Variants in IL17REL observed in about 807,000 individuals in gnomAD.
The protein encoded by IL17REL is interleukin-17 receptor E-like protein.
A neutral mutation model predicts 49.0 loss-of-function variants in IL17REL; 36 were observed. The observed-to-expected ratio is 0.73, with a 90% CI of 0.56 to 0.97. IL17REL has a LOEUF of 0.97. Among genes scored for constraint, IL17REL ranks in the 50% least tolerant of loss-of-function variants. IL17REL has a pLI of 0.00. For missense variants in IL17REL, 470 were observed against 453.9 expected, an observed-to-expected ratio of 1.04 and a Z score of -0.32; for synonymous variants, 206 against 192.4, an observed-to-expected ratio of 1.07 and a Z score of -0.58.
intron 6 of IL17REL, 39 bp from the exon 9 acceptor site, chr22:49,999,384 C>A: frequency 1.2e-6 from 2 of 1,612,880 alleles, no homozygotes; most frequent in South Asian, 2.2e-5. Flanking sequence ...CCACCCATCC[C>A]TGTGCTCCCC....
At chr22:49,997,258 G>A (rs2061041234) in intron 11 of IL17REL, 62 bp downstream of exon 13, 14 of 1,533,614 alleles carry the variant, frequency 9.1e-6, no homozygotes, top group Non-Finnish European at 1.3e-5. Flanking sequence ...ACAGGGAAGT[G>A]ATGGGGTCCT....
chr22:49,993,372 G>A (rs868610203), downstream of IL17REL, among the ~76,000 whole-genome samples: 2 of 152,200 alleles, frequency 1.3e-5, no homozygotes, highest in Non-Finnish European at 2.9e-5. This position sits in a 1 kb window ranked among gnomAD's most constrained non-coding sequence, Gnocchi z 6.0. Context: ...TCTGGGGCCC[G>A]GGGTCCTCAG....
intron 1 of IL17REL, among the ~76,000 whole-genome samples, chr22:50,003,095 A>G (rs1384456658): frequency 6.6e-6 from 1 of 152,200 alleles, no homozygotes; most frequent in Non-Finnish European, 1.5e-5. Flanking sequence ...GGGCAGCCGG[A>G]CCGAGTATGA....
At chr22:49,994,463 G>C (rs971130374), downstream of IL17REL, 1 of 152,372 alleles carries the variant, frequency 6.6e-6, no homozygotes, top group Non-Finnish European at 1.5e-5. Context: ...CACGACACCC[G>C]CACTCCAGAC....
chr22:50,004,863 G>C (rs1378969348), intron 1 of IL17REL, among the ~76,000 whole-genome samples: 1 of 118,724 alleles, frequency 8.4e-6, no homozygotes, highest in Non-Finnish European at 1.8e-5. Context: ...AAAAAAAAAA[G>C]ACAACCTCCT....
chr22:50,000,092 G>T, intron 4 of IL17REL, 104 bp downstream of exon 6: 2 of 1,125,960 alleles, frequency 1.8e-6, no homozygotes, highest in Non-Finnish European at 1.2e-6. Flanking sequence ...TCGCCCGCCC[G>T]AGGGCCCCTC....
At chr22:49,999,496 C>A (rs1415442096) in exon 6 of IL17REL, 1 of 1,502,258 alleles carries the variant, frequency 6.7e-7, no homozygotes, top group Non-Finnish European at 9.0e-7. Context: ...ACGCTGTTGG[C>A]GGTCACCTGC....
At chr22:50,006,890 G>GGTTGCA (rs1471836213) in intron 1 of IL17REL, among the ~76,000 whole-genome samples, 1 of 150,956 alleles carries the variant, frequency 6.6e-6, no homozygotes, top group Non-Finnish European at 1.5e-5. Context: ...AGGAGGCAGA[G>GGTTGCA]GTTGCAGTGA....
At chr22:49,995,172 G>A (rs900139438) in exon 13 of IL17REL, 1 of 152,470 alleles carries the variant, frequency 6.6e-6, no homozygotes, top group African/African-American at 2.4e-5. Context: ...TCAGCTACAG[G>A]AAGGGTGGGG....
upstream of IL17REL, among the ~76,000 whole-genome samples, chr22:50,009,975 T>C (rs1205424022): frequency 1.3e-5 from 2 of 151,920 alleles, no homozygotes; most frequent in East Asian, 3.8e-4. Flanking sequence ...TCGGCGGCAG[T>C]CAGTGACCCT....
intron 1 of IL17REL, among the ~76,000 whole-genome samples, chr22:50,005,930 T>C (rs1011936470): frequency 2.6e-5 from 4 of 151,946 alleles, no homozygotes; most frequent in Non-Finnish European, 4.4e-5. Context: ...AAAGTACCAA[T>C]TGGGCTGGAG....
upstream of IL17REL, among the ~76,000 whole-genome samples, chr22:50,010,552 C>T (rs1028502640): frequency 1.4e-4 from 22 of 152,242 alleles, no homozygotes; most frequent in African/African-American, 5.3e-4. Flanking sequence ...GGCCTGGACT[C>T]CCCGCATCCA....
exon 8 of IL17REL, chr22:49,998,150 A>T: frequency 6.2e-7 from 1 of 1,606,792 alleles, no homozygotes; most frequent in South Asian, 1.1e-5. Flanking sequence ...GCGATGCACC[A>T]GCTGGCTGGA....
intron 8 of IL17REL, 22 bp from the exon 11 acceptor site, chr22:49,998,091 C>CT: frequency 6.3e-7 from 1 of 1,592,308 alleles, no homozygotes; most frequent in Non-Finnish European, 8.5e-7. Flanking sequence ...TGGGGTCAGG[C>CT]TGTGGCATCC....
intron 1 of IL17REL, among the ~76,000 whole-genome samples, chr22:50,001,571 G>C (rs558865741): frequency 3.3e-5 from 5 of 152,342 alleles, no homozygotes; most frequent in Non-Finnish European, 7.4e-5. Context: ...TGTCGACTCT[G>C]CTCAAAGACG....
chr22:50,005,860 C>G (rs764433810), intron 1 of IL17REL, among the ~76,000 whole-genome samples: 11 of 151,804 alleles, frequency 7.2e-5, no homozygotes, highest in Non-Finnish European at 1.5e-5. Flanking sequence ...ATAAAAACAC[C>G]CTGGGACTAC....
upstream of IL17REL, among the ~76,000 whole-genome samples, chr22:50,011,370 C>G (rs1219115658): frequency 6.6e-6 from 1 of 151,956 alleles, no homozygotes; most frequent in Non-Finnish European, 1.5e-5. Flanking sequence ...ATCACCTGGC[C>G]GTCCTAGCGT....
chr22:50,001,326 G>GCA (rs137846), intron 1 of IL17REL, 95 bp from the exon 3 acceptor site: 337,773 of 613,924 alleles, frequency 0.55, 95,646 homozygotes, highest in South Asian at 0.77. Flanking sequence ...CCCTGGGGCT[G>GCA]CAGTCTTTGC....
chr22:49,999,372 G>C, intron 6 of IL17REL, 27 bp from the exon 9 acceptor site: 1 of 1,612,830 alleles, frequency 6.2e-7, no homozygotes. Context: ...GGTCAGCGCA[G>C]CCCACCCATC....
Sources: gnomAD v4.1 joint callset for allele counts (sites outside exome capture counted in the v4.1 genomes callset) on GRCh38, gnomAD v4.1.1 for gene constraint, Gnocchi (gnomAD v3.1) non-coding constraint, MANE v1.5 for transcripts, NCBI Gene and HGNC (gene_info 2026-07-23, HGNC 2026-07-21) for gene names.